Variants in BIN1 observed in about 807,000 individuals in gnomAD.
BIN1 encodes myc box-dependent-interacting protein 1.
In BIN1, 53 loss-of-function variants were observed where a neutral mutation model predicts 82.0. The observed-to-expected ratio is 0.65, with a 90% CI of 0.52 to 0.81. The LOEUF is 0.81. BIN1 is among the 40% of genes least tolerant of loss of function. The pLI, the probability that BIN1 is intolerant of heterozygous loss-of-function variation, is 0.00. For synonymous variants in BIN1, 302 were observed against 328.0 expected (o/e 0.92, Z 0.86); for missense variants, 642 against 784.4 (o/e 0.82, Z 2.17).
In BIN1 at chr2:127,070,443, C is replaced by T. The variant is rs1304828584; in HGVS notation, c.315+110G>A. On this transcript the variant is annotated intron_variant, in intron 4 of 18. Coordinates refer to ENST00000316724, the MANE Select transcript of BIN1 (RefSeq NM_139343.3). ...AGCTTGCCCCAGGGCACACAGCACG[C>T]GAATGCCCGAGAACCAGAGAGGCTT... 30 of 1,357,228 alleles carry T rather than the reference C, an allele frequency of 2.2e-5. No individual in the cohort carries two copies. The East Asian group carries it at 2.8e-4, about 12-fold the overall frequency. 84.1% of individuals were successfully genotyped at this position (1,357,228 alleles called of 1,614,324 possible). A position where few individuals can be genotyped will look rare whatever the true frequency, so the allele number is the denominator to read the frequency against.
Position 127,068,913 on chromosome 2 carries a change from C to G in BIN1, c.519+11G>C. 23 of 1,612,844 alleles carry G rather than the reference C, an allele frequency of 1.4e-5. No homozygotes were observed. Among genetic ancestry groups the G allele is most frequent in the Non-Finnish European group, 2.0e-5 (23 of 1,178,834 alleles). ...CTGCAGACGCTGCCCCGACCCGCCTCCAGCCCTTACCTTGGCAATTTTGGC... is the reference window on the plus strand; with the variant it reads ...CTGCAGACGCTGCCCCGACCCGCCTGCAGCCCTTACCTTGGCAATTTTGGC... On this transcript the variant is annotated intron_variant, in intron 6 of 18. Transcript: ENST00000316724. This position sits in a 1 kb window ranked among gnomAD's most constrained non-coding sequence, Gnocchi z 4.9.
chr2:127,069,514 G>A (rs535244286), intron 5 of BIN1, among the ~76,000 whole-genome samples: 3 of 152,284 alleles, frequency 2.0e-5, no homozygotes, highest in South Asian at 4.1e-4. Context: ...TGCCAGCTCC[G>A]AGCACCAACC....
intron 1 of BIN1, among the ~76,000 whole-genome samples, chr2:127,103,640 C>A (rs939315515): frequency 6.6e-6 from 1 of 152,222 alleles, no homozygotes; most frequent in Non-Finnish European, 1.5e-5. Flanking sequence ...GACTCCCAAG[C>A]CGTGGGCCTT....
At chr2:127,081,244 C>T (rs1455965809) in intron 1 of BIN1, among the ~76,000 whole-genome samples, 1 of 152,222 alleles carries the variant, frequency 6.6e-6, no homozygotes, top group Non-Finnish European at 1.5e-5. Flanking sequence ...ACAGCACCCA[C>T]CCACCATGCA....
At chr2:127,099,373 G>T (rs935075907) in intron 1 of BIN1, among the ~76,000 whole-genome samples, 7 of 141,280 alleles carry the variant, frequency 5.0e-5, no homozygotes, top group Non-Finnish European at 7.8e-5. Context: ...TGTGTGTGTG[G>T]TAGCGGGGGC....
At position 127,052,330 on chromosome 2, in the gene BIN1, G is replaced by A. The variant is rs555612977; in HGVS notation, c.1296C>T (p.Ser432=). ...PTESPAGSLP[S]GEPSAAEGTF... ...TGCCCTCGGCAGCGCTGGGCTCCCCGGAAGGCAGGCTGCCGGCTGGACTCT... is the reference window on the plus strand; with the variant it reads ...TGCCCTCGGCAGCGCTGGGCTCCCCAGAAGGCAGGCTGCCGGCTGGACTCT... Residue 432 remains serine, a synonymous_variant, in exon 15 of 19, where the codon TCC becomes TCT. Coordinates refer to ENST00000316724, the MANE Select transcript of BIN1 (RefSeq NM_139343.3). The A allele has an allele frequency of 1.3e-5, 21 of 1,587,510 alleles. No individual in the cohort carries two copies. The highest frequency in any genetic ancestry group is 4.6e-5 in the South Asian group (4 of 87,144).
At chr2:127,077,387 G>C (rs1686752899) in intron 1 of BIN1, among the ~76,000 whole-genome samples, 1 of 152,174 alleles carries the variant, frequency 6.6e-6, no homozygotes, top group African/African-American at 2.4e-5. Flanking sequence ...TCCCAACCAT[G>C]AGTCTCAGAG....
At chr2:127,050,618 T>G (rs533512617) in intron 17 of BIN1, 96 bp from the exon 18 acceptor site, 4 of 1,442,154 alleles carry the variant, frequency 2.8e-6, no homozygotes, top group Non-Finnish European at 3.9e-6. Flanking sequence ...GGTGGCAGTA[T>G]GGAGACCAGG....
intron 1 of BIN1, among the ~76,000 whole-genome samples, chr2:127,094,586 T>C (rs1679347909): frequency 6.6e-6 from 1 of 152,170 alleles, no homozygotes; most frequent in Non-Finnish European, 1.5e-5. Flanking sequence ...AGGCACACAG[T>C]CTAAGCACTG....
chr2:127,096,703 G>C (rs1276434060), intron 1 of BIN1, among the ~76,000 whole-genome samples: 1 of 152,132 alleles, frequency 6.6e-6, no homozygotes, highest in Non-Finnish European at 1.5e-5. Flanking sequence ...ACCACTTCAG[G>C]CCAGAGAAAA....
chr2:127,096,155 A>G (rs1679578374), intron 1 of BIN1, among the ~76,000 whole-genome samples: 2 of 152,044 alleles, frequency 1.3e-5, no homozygotes, highest in African/African-American at 2.4e-5. Flanking sequence ...CCCACCTGCA[A>G]TCTTTCGCCC....
Position 127,048,503 on chromosome 2 carries a change from C to T in BIN1, c.*23G>A, listed in dbSNP as rs760148632. 41 of 1,610,474 alleles carry T rather than the reference C, an allele frequency of 2.5e-5. No homozygotes were observed. The Middle Eastern group carries it at 4.9e-4, about 19-fold the overall frequency. ...CGGGAGGAGGTGTTCTTCACACGCC[C>T]GGAGGCTGCCTGGGCCCCGCCGTCA... On this transcript the variant is annotated 3_prime_UTR_variant, in exon 19 of 19. Coordinates refer to ENST00000316724, the MANE Select transcript of BIN1 (RefSeq NM_139343.3).
At position 127,093,647 on chromosome 2, in the gene BIN1, T is replaced by C. The variant is rs1679222602; in HGVS notation, c.84+13213A>G. ...TTATGTCTGAAAACAGACAGTTCTC[T>C]CTGGTCCTTGCATCTTCATCGTTGA... On this transcript the variant is annotated intron_variant, in intron 1 of 18. Transcript: ENST00000316724. The surrounding 1 kb of genome is among the most constrained non-coding windows in gnomAD (Gnocchi z 5.7). Among the ~76,000 whole-genome samples the C allele has an allele frequency of 6.6e-6, 1 of 152,230 alleles. No individual in the cohort carries two copies. Among genetic ancestry groups the C allele is most frequent in the African/African-American group, 2.4e-5 (1 of 41,466 alleles).
rs566597765 is a variant in BIN1 at position 127,106,892 on chromosome 2, C to T, written c.52G>A (p.Val18Met). 27 of 1,612,358 alleles carry T rather than the reference C, an allele frequency of 1.7e-5. No homozygotes were observed. The Admixed American group carries it at 4.2e-4, about 25-fold the overall frequency. The change falls in exon 1 of 19, where the codon GTG becomes ATG. Residue 18 changes from valine (V) to methionine (M), a missense_variant. Coordinates refer to ENST00000316724, the MANE Select transcript of BIN1 (RefSeq NM_139343.3). ...TGCGCGCGGGTGAGCTTCTTCTGCA[C>T]GTTGCTGGCGATCTTTCCCGCCGTC... ...GVTAGKIASN[V>M]QKKLTRAQEK...
chr2:127,089,195 G>T (rs1678584673), intron 1 of BIN1, among the ~76,000 whole-genome samples: 1 of 152,124 alleles, frequency 6.6e-6, no homozygotes, highest in South Asian at 2.1e-4. Context: ...CCCAGGCCTG[G>T]GTCCATCGGT....
At chr2:127,076,080 C>T (rs1032276116) in intron 2 of BIN1, among the ~76,000 whole-genome samples, 5 of 151,480 alleles carry the variant, frequency 3.3e-5, no homozygotes, top group Admixed American at 2.0e-4. Flanking sequence ...CTCCCAGGCC[C>T]TCCCAGCTGC....
At chr2:127,079,235 C>A (rs1022681292) in intron 1 of BIN1, among the ~76,000 whole-genome samples, 11 of 152,246 alleles carry the variant, frequency 7.2e-5, no homozygotes, top group Non-Finnish European at 1.5e-4. Context: ...AGACTCCACG[C>A]AGCAGTGAGA....
At chr2:127,062,091 C>A in intron 10 of BIN1, 24 bp downstream of exon 10, 1 of 1,583,602 alleles carries the variant, frequency 6.3e-7, no homozygotes, top group South Asian at 1.1e-5. Flanking sequence ...CAGTCAGGGG[C>A]GCCAGGGCTC....
At chr2:127,052,395 G>A in intron 14 of BIN1, 33 bp from the exon 15 acceptor site, 4 of 1,543,196 alleles carry the variant, frequency 2.6e-6, no homozygotes, top group South Asian at 2.4e-5. Flanking sequence ...GAACAGGGAG[G>A]GGGCGGGGAG....
Sources: allele counts gnomAD v4.1 joint callset (sites outside exome capture counted in the v4.1 genomes callset), GRCh38; gene constraint gnomAD v4.1.1; non-coding constraint Gnocchi (gnomAD v3.1); transcripts MANE v1.5; gene names NCBI Gene and HGNC (gene_info 2026-07-23, HGNC 2026-07-21).